Variants in PALM2AKAP2 observed in about 807,000 individuals in gnomAD.
PALM2AKAP2 encodes PALM2-AKAP2 fusion protein.
PALM2AKAP2 carries 37 observed loss-of-function variants against 71.5 expected under a neutral mutation model. The ratio of observed to expected loss-of-function variants is 0.52; its 90% CI spans 0.40 to 0.68. The LOEUF is 0.68. Among genes scored for constraint, PALM2AKAP2 ranks in the 30% least tolerant of loss-of-function variants. PALM2AKAP2 has a pLI of 0.00. For missense variants in PALM2AKAP2, 1,224 were observed against 1,191.8 expected (o/e 1.03, Z -0.40); for synonymous variants, 468 against 478.8 (o/e 0.98, Z 0.29).
chr9:110,002,907 T>C (rs1386312023), intron 6 of PALM2AKAP2, among the ~76,000 whole-genome samples: 2 of 152,322 alleles, frequency 1.3e-5, no homozygotes, highest in East Asian at 3.9e-4. Flanking sequence ...TTGCGTCTAT[T>C]TGATTCTTCT....
At chr9:109,718,841 CATG>C (rs1435485038) in intron 1 of PALM2AKAP2, among the ~76,000 whole-genome samples, 1 of 152,156 alleles carries the variant, frequency 6.6e-6, no homozygotes, top group South Asian at 2.1e-4. Context: ...CTTTGGTATC[CATG>C]TGTGGTCCCT....
intron 3 of PALM2AKAP2, among the ~76,000 whole-genome samples, chr9:109,911,046 C>A (rs1232166314): frequency 2.6e-5 from 4 of 152,060 alleles, no homozygotes; most frequent in African/African-American, 9.7e-5. Context: ...AATGGGGTAT[C>A]CTCCCAGATC....
chr9:109,798,538 G>T (rs1827329031), intron 1 of PALM2AKAP2, among the ~76,000 whole-genome samples: 1 of 152,122 alleles, frequency 6.6e-6, no homozygotes, highest in African/African-American at 2.4e-5. Flanking sequence ...ATCAGGAAAG[G>T]CATAGAACCA....
intron 3 of PALM2AKAP2, among the ~76,000 whole-genome samples, chr9:109,881,876 C>CTTTTTTTTTTTTTTTTTTTTTTTTTT (rs565835467): frequency 2.1e-5 from 2 of 95,116 alleles, no homozygotes; most frequent in African/African-American, 7.2e-5. Context: ...CTTATGAGCT[C>CTTTTTTTTTTTTTTTTTTTTTTTTTT]TTTTTTTTTT....
intron 3 of PALM2AKAP2, among the ~76,000 whole-genome samples, chr9:109,919,253 A>G (rs1830767349): frequency 6.6e-6 from 1 of 152,188 alleles, no homozygotes; most frequent in Admixed American, 6.5e-5. Flanking sequence ...CCTTCACTAG[A>G]CACATGGGAA....
intron 1 of PALM2AKAP2, among the ~76,000 whole-genome samples, chr9:110,126,916 G>C (rs984577342): frequency 3.3e-5 from 5 of 152,190 alleles, no homozygotes; most frequent in Non-Finnish European, 7.3e-5. Context: ...CTATGGTGCT[G>C]GGGGAGACTC....
chr9:110,169,251 T>G (rs1232117110), exon 4 of PALM2AKAP2: 1 of 152,636 alleles, frequency 6.6e-6, no homozygotes, highest in African/African-American at 2.4e-5. Context: ...TGATCTGCAG[T>G]TTATGAGAAC....
chr9:109,799,087 G>C (rs998420950), intron 1 of PALM2AKAP2, among the ~76,000 whole-genome samples: 1 of 152,232 alleles, frequency 6.6e-6, no homozygotes, highest in Admixed American at 6.5e-5. Context: ...AGGGCAAAAA[G>C]CAGCCTAGGT....
intron 6 of PALM2AKAP2, among the ~76,000 whole-genome samples, chr9:110,001,358 G>A (rs568216724): frequency 1.4e-3 from 211 of 152,244 alleles, no homozygotes; most frequent in Middle Eastern, 6.8e-3. Context: ...GCTCTGTTCT[G>A]TTCCATTGGT....
At chr9:109,903,290 G>T (rs1830370110) in intron 3 of PALM2AKAP2, among the ~76,000 whole-genome samples, 1 of 151,906 alleles carries the variant, frequency 6.6e-6, no homozygotes, top group Non-Finnish European at 1.5e-5. Context: ...GTGGCAGGGA[G>T]GATATGCGTA....
At chr9:110,168,534 G>A (rs1836790458) in exon 4 of PALM2AKAP2, 2 of 1,600,332 alleles carry the variant, frequency 1.2e-6, no homozygotes, top group South Asian at 1.1e-5. Flanking sequence ...TGGTGCTTGG[G>A]AGACCAAGAA....
chr9:110,016,612 G>A (rs1461315342), intron 7 of PALM2AKAP2, among the ~76,000 whole-genome samples: 1 of 152,158 alleles, frequency 6.6e-6, no homozygotes, highest in Admixed American at 6.5e-5. Flanking sequence ...CAAATTAAAT[G>A]CATCAATTTG....
At chr9:110,136,704 C>T in exon 2 of PALM2AKAP2, 1 of 1,614,228 alleles carries the variant, frequency 6.2e-7, no homozygotes, top group Non-Finnish European at 8.5e-7. Flanking sequence ...CCCAGCTCCA[C>T]AACCAGCTCA....
chr9:109,943,356 G>C, intron 6 of PALM2AKAP2: 1 of 1,614,220 alleles, frequency 6.2e-7, no homozygotes, highest in Non-Finnish European at 8.5e-7. Flanking sequence ...GGAAGGAAGA[G>C]AGCCTAGCTA....
intron 1 of PALM2AKAP2, among the ~76,000 whole-genome samples, chr9:110,123,013 G>A (rs1835523150): frequency 1.3e-5 from 2 of 152,166 alleles, no homozygotes; most frequent in Admixed American, 1.3e-4. Flanking sequence ...CTGCCTCTGA[G>A]TATAATCCAC....
At chr9:110,135,188 T>TATATATATATATATATATATATAA (rs1484544851) in intron 1 of PALM2AKAP2, among the ~76,000 whole-genome samples, 3 of 93,536 alleles carry the variant, frequency 3.2e-5, no homozygotes, top group African/African-American at 1.3e-4. Context: ...TATATATATA[T>TATATATATATATATATATATATAA]AAATCAGCCA....
At chr9:109,930,230 AT>A (rs111227193) in intron 5 of PALM2AKAP2, among the ~76,000 whole-genome samples, 17,486 of 145,418 alleles carry the variant, frequency 0.12, 1,313 homozygotes, top group African/African-American at 0.22. Context: ...GGAAAAATCT[AT>A]TTTTTTTTTT....
chr9:109,749,531 C>A (rs753782986), intron 1 of PALM2AKAP2, among the ~76,000 whole-genome samples: 8 of 133,892 alleles, frequency 6.0e-5, no homozygotes, highest in Non-Finnish European at 9.3e-5. Flanking sequence ...CTAGTAAGTG[C>A]AAATGTGTTT....
In PALM2AKAP2 at chr9:109,679,481, A is replaced by G. The variant is rs556776530; in HGVS notation, c.5+38615A>G. Among the ~76,000 whole-genome samples, 6 of 152,328 alleles carry G rather than the reference A, an allele frequency of 3.9e-5. No homozygotes were observed. The East Asian group carries it at 1.2e-3, about 29-fold the overall frequency. On this transcript the variant is annotated intron_variant, in intron 1 of 6. Coordinates refer to the PALM2AKAP2 transcript ENST00000374531. ...AGAACCCATGTATACCTTAGATCCC[A>G]ATCACTGAGTTTTGCCATCGAAAAC...
Sources: allele counts gnomAD v4.1 joint callset (sites outside exome capture counted in the v4.1 genomes callset), GRCh38; gene constraint gnomAD v4.1.1; transcripts MANE v1.5; gene names NCBI Gene and HGNC (gene_info 2026-07-23, HGNC 2026-07-21).